The following SPON2 variants were observed in gnomAD, a reference collection of about 807,000 sequenced individuals.
SPON2 encodes the protein spondin-2.
Under a neutral mutation model 29.9 loss-of-function variants are expected in SPON2, and 32 were observed. The ratio of observed to expected loss-of-function variants is 1.07; its 90% confidence interval spans 0.81 to 1.44. The LOEUF (loss-of-function observed/expected upper bound fraction) is 1.44. Ranked by LOEUF, SPON2 falls within the 40% of genes most tolerant of loss-of-function variation. The pLI is 0.00. For synonymous variants in SPON2, 248 were observed against 209.1 expected (o/e 1.19, Z -1.61); for missense variants, 541 against 455.5 (o/e 1.19, Z -1.71).
chr4:1,167,893 C>A (rs542148269), intron 5 of SPON2: 147 of 451,086 alleles, frequency 3.3e-4, no homozygotes, highest in Non-Finnish European at 4.7e-4. Context: ...CCGGAGCTGC[C>A]GCTCAAGTCC....
At position 1,167,200 on chromosome 4, in the gene SPON2, G is replaced by T. The variant is rs1296426804; in HGVS notation, c.*272C>A. 3 of 448,296 alleles carry T rather than the reference G, an allele frequency of 6.7e-6. No homozygotes were observed. The highest frequency in any genetic ancestry group is 1.2e-5 in the Non-Finnish European group (3 of 250,616). 27.8% of individuals were successfully genotyped at this position (448,296 alleles called of 1,614,324 possible). A position where few individuals can be genotyped will look rare whatever the true frequency, so the allele number is the denominator to read the frequency against. ...ATAATTTAGAGTAGCTGGAGCCTTG[G>T]GGATGACTTTATCCTGCAGGAGGAG... On this transcript the variant is annotated 3_prime_UTR_variant, in exon 6 of 6. Transcript: ENST00000290902.
chr4:1,189,244 T>A (rs1393578203), intron 1 of SPON2, among the ~76,000 whole-genome samples: 2 of 151,698 alleles, frequency 1.3e-5, no homozygotes, highest in African/African-American at 2.4e-5. Flanking sequence ...CTCAAATCAA[T>A]AACCCAACCT....
chr4:1,167,525 G>GGC lies in SPON2; in HGVS notation c.941_942dup (p.Pro315AlafsTer68). On this transcript the variant is annotated frameshift_variant, in exon 6 of 6. Coordinates refer to ENST00000290902, the MANE Select transcript of SPON2 (RefSeq NM_012445.4). LOFTEE classifies it high-confidence loss of function. Reference sequence around the variant, plus strand: ...GCCTCTTCTTCGAGCTCGGGGCAGGGGCTCCCGTTGTTGGCGGGCTGGACC... The same window carrying GGC: ...GCCTCTTCTTCGAGCTCGGGGCAGGGGCGCTCCCGTTGTTGGCGGGCTGGACC... 3 of 1,613,824 alleles carry GGC rather than the reference G, an allele frequency of 1.9e-6. No individual in the cohort carries two copies. The highest frequency in any genetic ancestry group is 1.7e-6 in the Non-Finnish European group (2 of 1,180,004).
upstream of SPON2, among the ~76,000 whole-genome samples, chr4:1,196,120 C>G (rs1391496132): frequency 6.6e-6 from 1 of 152,232 alleles, no homozygotes; most frequent in Non-Finnish European, 1.5e-5. Context: ...CTGCCTCTCC[C>G]CTGTGAACCA....
chr4:1,169,255 C>T (rs190147475), intron 5 of SPON2, among the ~76,000 whole-genome samples: 2 of 152,092 alleles, frequency 1.3e-5, no homozygotes, highest in Admixed American at 1.3e-4. Flanking sequence ...CCCGCCAGAC[C>T]AGTTGCACAC....
chr4:1,207,165 G>A (rs1401901515), intron 1 of SPON2, among the ~76,000 whole-genome samples: 2 of 152,082 alleles, frequency 1.3e-5, no homozygotes, highest in Non-Finnish European at 2.9e-5. Context: ...GGCTGCTGCT[G>A]AGAACCTGCT....
upstream of SPON2, among the ~76,000 whole-genome samples, chr4:1,177,001 A>AT (rs1485343612): frequency 5.9e-5 from 9 of 152,334 alleles, no homozygotes; most frequent in Non-Finnish European, 1.3e-4. Flanking sequence ...GGTGGAGTGG[A>AT]TACATTTTGT....
In SPON2 at chr4:1,171,841, G is replaced by T. The variant is rs755646798; in HGVS notation, c.220+11C>A. 3 of 1,595,300 alleles carry T rather than the reference G, an allele frequency of 1.9e-6. No homozygotes were observed. Among genetic ancestry groups the T allele is most frequent in the Non-Finnish European group, 2.6e-6 (3 of 1,163,822 alleles). ...TGGTGGAGCAGGAGGCGAGGAGGGG[G>T]CTGTACTTACCCAGCAGCGAAGACC... On this transcript the variant is annotated intron_variant, in intron 2 of 5. Coordinates refer to ENST00000290902, the MANE Select transcript of SPON2 (RefSeq NM_012445.4).
upstream of SPON2, among the ~76,000 whole-genome samples, chr4:1,174,779 C>A (rs1006394347): frequency 6.6e-6 from 1 of 152,162 alleles, no homozygotes; most frequent in Non-Finnish European, 1.5e-5. Context: ...TTGTATTGTC[C>A]GGCTTAGTGG....
At chr4:1,200,708 G>A (rs913689532) in intron 1 of SPON2, 17 of 419,832 alleles carry the variant, frequency 4.0e-5, no homozygotes, top group African/African-American at 1.0e-4. Flanking sequence ...TCCCATCTGC[G>A]TGGACATCGC....
At position 1,202,847 on chromosome 4, in the gene SPON2, C is replaced by T. The variant is rs756369702; in HGVS notation, c.-234+5033G>A. 7.2e-5 allele frequency among the ~76,000 whole-genome samples: 11 copies of T among 152,176 alleles called. No homozygotes were observed. Among genetic ancestry groups the T allele is most frequent in the Non-Finnish European group, 1.0e-4 (7 of 68,032 alleles). On this transcript the variant is annotated intron_variant, in intron 1 of 3. Coordinates refer to the SPON2 transcript ENST00000509233. The surrounding 1 kb of genome is among the most constrained non-coding windows in gnomAD (Gnocchi z 5.4). ...CCCCGTGGATGCCGTCAAGGCCCCC[C>T]GCATGTGCCTTTGGGAGCGATGGTT...
chr4:1,190,805 TA>T (rs1192923771), intron 1 of SPON2, among the ~76,000 whole-genome samples: 1 of 152,184 alleles, frequency 6.6e-6, no homozygotes, highest in Non-Finnish European at 1.5e-5. Flanking sequence ...GTCACGTTTC[TA>T]AAACAATGAA....
upstream of SPON2, among the ~76,000 whole-genome samples, chr4:1,195,381 C>T (rs1368097951): frequency 6.6e-6 from 1 of 152,134 alleles, no homozygotes; most frequent in Non-Finnish European, 1.5e-5. Context: ...GGCGCATCAG[C>T]TTGGTGGCCC....
intron 1 of SPON2, among the ~76,000 whole-genome samples, chr4:1,203,027 A>G (rs1048397592): frequency 5.3e-5 from 8 of 152,078 alleles, no homozygotes; most frequent in Non-Finnish European, 2.9e-5. Context: ...GGGCCCTTAT[A>G]AAAGGGCTAG....
At chr4:1,185,973 G>T (rs7659260) in intron 1 of SPON2, among the ~76,000 whole-genome samples, 132,376 of 151,038 alleles carry the variant, frequency 0.88, 59,134 homozygotes, top group East Asian at 0.99. Context: ...GGCCGGGCGT[G>T]GTGGCTCACG....
At chr4:1,171,528 C>G in intron 2 of SPON2, 42 bp from the exon 3 acceptor site, 2 of 1,586,678 alleles carry the variant, frequency 1.3e-6, no homozygotes, top group Non-Finnish European at 1.7e-6. Flanking sequence ...TGGTCAGACA[C>G]TGCGGTCGGG....
intron 2 of SPON2, chr4:1,179,391 C>T (rs1317700769): frequency 6.6e-6 from 1 of 151,726 alleles, no homozygotes; most frequent in Non-Finnish European, 1.5e-5. Flanking sequence ...CTCTGTGCAA[C>T]AGTCCGCCTC....
chr4:1,180,852 A>G (rs777112254), intron 1 of SPON2, among the ~76,000 whole-genome samples: 3 of 152,240 alleles, frequency 2.0e-5, no homozygotes, highest in African/African-American at 4.8e-5. Context: ...AAAAGAATGA[A>G]GAGAACTGAC....
chr4:1,201,181 C>G (rs1462215877), intron 1 of SPON2: 1 of 450,568 alleles, frequency 2.2e-6, no homozygotes, highest in Non-Finnish European at 4.5e-6. Context: ...CCCAGTTCCT[C>G]CAGCCCCTCC....
Sources: gnomAD v4.1 joint callset for allele counts (sites outside exome capture counted in the v4.1 genomes callset) on GRCh38, gnomAD v4.1.1 for gene constraint, Gnocchi (gnomAD v3.1) non-coding constraint, MANE v1.5 for transcripts, NCBI Gene and HGNC (gene_info 2026-07-23, HGNC 2026-07-21) for gene names.